CNTNAP2: variants seen among roughly 807,000 people sequenced by gnomAD.
The protein encoded by CNTNAP2 is contactin-associated protein-like 2.
In CNTNAP2, 98 loss-of-function variants were observed where a neutral mutation model predicts 155.2. That is an observed-to-expected ratio of 0.63 (90% CI 0.54 to 0.75). CNTNAP2 has a LOEUF of 0.75. CNTNAP2 is among the 30% of genes least tolerant of loss of function. The pLI, the probability that CNTNAP2 is intolerant of heterozygous loss-of-function variation, is 0.00. For synonymous variants in CNTNAP2, 651 were observed against 631.2 expected, an observed-to-expected ratio of 1.03 and a Z score of -0.47; for missense variants, 1,727 against 1,688.1, an observed-to-expected ratio of 1.02 and a Z score of -0.40.
At chr7:147,650,800 A>C (rs1795438680) in intron 13 of CNTNAP2, among the ~76,000 whole-genome samples, 1 of 151,972 alleles carries the variant, frequency 6.6e-6, no homozygotes, top group African/African-American at 2.4e-5. Flanking sequence ...CTGGACTTTT[A>C]AATAGCATTT....
chr7:146,174,714 C>T (rs1584787188), intron 1 of CNTNAP2, among the ~76,000 whole-genome samples: 1 of 151,952 alleles, frequency 6.6e-6, no homozygotes, highest in African/African-American at 2.4e-5. Flanking sequence ...TGGTGGTGGG[C>T]AGCTGAAATC....
chr7:147,759,020 A>C (rs1021285612), intron 13 of CNTNAP2, among the ~76,000 whole-genome samples: 1 of 152,194 alleles, frequency 6.6e-6, no homozygotes, highest in South Asian at 2.1e-4. Context: ...ATATTTTATT[A>C]CCTTATTTAT....
At chr7:147,010,520 T>C (rs1178809101) in intron 3 of CNTNAP2, among the ~76,000 whole-genome samples, 1 of 152,078 alleles carries the variant, frequency 6.6e-6, no homozygotes, top group Non-Finnish European at 1.5e-5. Context: ...AGGATGATGG[T>C]AACCTGGCAG....
chr7:146,696,545 T>C (rs1800785721), intron 1 of CNTNAP2, among the ~76,000 whole-genome samples: 1 of 152,134 alleles, frequency 6.6e-6, no homozygotes, highest in Non-Finnish European at 1.5e-5. Context: ...CTAATTTGTA[T>C]TATAGATTTG....
intron 14 of CNTNAP2, among the ~76,000 whole-genome samples, chr7:147,944,128 G>A (rs754056454): frequency 1.3e-5 from 2 of 152,104 alleles, no homozygotes; most frequent in African/African-American, 4.8e-5. Context: ...GATGCTAATC[G>A]ATCTTCTATT....
chr7:146,588,625 A>C (rs1329098302), intron 1 of CNTNAP2, among the ~76,000 whole-genome samples: 1 of 151,966 alleles, frequency 6.6e-6, no homozygotes, highest in Non-Finnish European at 1.5e-5. Flanking sequence ...TTCGTACCTT[A>C]GCCTCCTGAG....
At chr7:146,452,951 A>G (rs1796504292) in intron 1 of CNTNAP2, among the ~76,000 whole-genome samples, 3 of 152,220 alleles carry the variant, frequency 2.0e-5, no homozygotes, top group Admixed American at 1.3e-4. Flanking sequence ...CAGGTTGGAA[A>G]CAAATTTGAA....
intron 4 of CNTNAP2, among the ~76,000 whole-genome samples, chr7:147,068,218 C>G (rs974959191): frequency 3.3e-5 from 5 of 152,146 alleles, no homozygotes; most frequent in Non-Finnish European, 7.3e-5. Context: ...TAATTGGAGA[C>G]CTGTGAGCAT....
chr7:146,242,686 C>T lies in CNTNAP2; in HGVS notation c.97+125713C>T, dbSNP rs1342764331. Among the ~76,000 whole-genome samples, 4 of 152,070 alleles carry T rather than the reference C, an allele frequency of 2.6e-5. No individual in the cohort carries two copies. The East Asian group carries it at 7.7e-4, about 29-fold the overall frequency. On this transcript the variant is annotated intron_variant, in intron 1 of 23. Transcript: ENST00000361727. ...AAACTTTTGATATTGGATTGATTAA[C>T]TTTGATAATGACCTTATTTTTGGAG...
At chr7:148,056,941 G>A (rs941620742) in intron 15 of CNTNAP2, among the ~76,000 whole-genome samples, 3 of 152,142 alleles carry the variant, frequency 2.0e-5, no homozygotes, top group Non-Finnish European at 4.4e-5. Flanking sequence ...GTAAGCTTTG[G>A]ATCCACTGGA....
intron 13 of CNTNAP2, among the ~76,000 whole-genome samples, chr7:147,838,355 A>T (rs187989993): frequency 2.9e-4 from 44 of 152,292 alleles, no homozygotes; most frequent in African/African-American, 8.7e-4. Context: ...CTCATTACTT[A>T]TCCAAATCTC....
At chr7:147,289,308 A>G (rs958635294) in intron 8 of CNTNAP2, among the ~76,000 whole-genome samples, 6 of 152,154 alleles carry the variant, frequency 3.9e-5, no homozygotes, top group Non-Finnish European at 8.8e-5. Context: ...TCATTAATCA[A>G]TAGTCAGATG....
At chr7:146,776,071 C>T (rs1369320018) in intron 2 of CNTNAP2, among the ~76,000 whole-genome samples, 1 of 151,960 alleles carries the variant, frequency 6.6e-6, no homozygotes, top group Non-Finnish European at 1.5e-5. Flanking sequence ...TTGAAAACAA[C>T]TAAAACAATG....
At chr7:147,094,425 A>T (rs1430475630) in intron 4 of CNTNAP2, among the ~76,000 whole-genome samples, 5 of 136,630 alleles carry the variant, frequency 3.7e-5, no homozygotes, top group Admixed American at 7.7e-5. Context: ...TCTTTTGGAG[A>T]AGGAGTCTTG....
intron 3 of CNTNAP2, among the ~76,000 whole-genome samples, chr7:146,980,719 T>A (rs543252297): frequency 6.6e-6 from 1 of 152,246 alleles, no homozygotes; most frequent in South Asian, 2.1e-4. Flanking sequence ...AACTGACCTA[T>A]CACCAAGGCA....
chr7:148,319,905 T>C (rs948054209), intron 21 of CNTNAP2, among the ~76,000 whole-genome samples: 3 of 152,008 alleles, frequency 2.0e-5, no homozygotes, highest in African/African-American at 4.8e-5. Flanking sequence ...TGCAATGTGC[T>C]TGAATCATCC....
intron 9 of CNTNAP2, among the ~76,000 whole-genome samples, chr7:147,393,981 T>C (rs1426611828): frequency 1.3e-5 from 2 of 151,992 alleles, no homozygotes; most frequent in Non-Finnish European, 2.9e-5. Flanking sequence ...TCAAAAAGAA[T>C]AGGATATTTT....
intron 22 of CNTNAP2, among the ~76,000 whole-genome samples, chr7:148,408,900 C>T (rs1799763393): frequency 6.6e-6 from 1 of 152,078 alleles, no homozygotes; most frequent in Non-Finnish European, 1.5e-5. Flanking sequence ...TTACAAATTC[C>T]TAAAGTGTGC....
intron 1 of CNTNAP2, among the ~76,000 whole-genome samples, chr7:146,382,781 T>C (rs1335061370): frequency 6.6e-6 from 1 of 152,142 alleles, no homozygotes; most frequent in East Asian, 1.9e-4. Flanking sequence ...TGTACTTAGA[T>C]GCTTTTAGAA....
Sources: allele counts gnomAD v4.1 joint callset (sites outside exome capture counted in the v4.1 genomes callset), GRCh38; gene constraint gnomAD v4.1.1; transcripts MANE v1.5; gene names NCBI Gene and HGNC (gene_info 2026-07-23, HGNC 2026-07-21).